The following RPTOR variants were observed in gnomAD, a reference collection of about 807,000 sequenced individuals.
RPTOR encodes regulatory associated protein of MTOR complex 1.
In RPTOR, 21 loss-of-function variants were observed where a neutral mutation model predicts 169.9. The observed-to-expected ratio is 0.12, with a 90% CI of 0.09 to 0.18. The LOEUF (loss-of-function observed/expected upper bound fraction) is 0.18, where lower values mean the gene tolerates loss of function less well. RPTOR is among the 10% of genes least tolerant of loss of function. The pLI, the probability that RPTOR is intolerant of heterozygous loss-of-function variation, is 1.00. For missense variants in RPTOR, 1,133 were observed against 1,855.9 expected (o/e 0.61, Z 7.16); for synonymous variants, 732 against 753.2 (o/e 0.97, Z 0.46).
chr17:80,584,701 C>T (rs552202266), intron 1 of RPTOR, among the ~76,000 whole-genome samples: 3 of 152,328 alleles, frequency 2.0e-5, no homozygotes, highest in Admixed American at 1.3e-4. Flanking sequence ...TTCAGCTTCA[C>T]GGGCCTGTCC....
At chr17:80,866,485 C>T (rs550632500) in intron 13 of RPTOR, among the ~76,000 whole-genome samples, 2 of 152,248 alleles carry the variant, frequency 1.3e-5, no homozygotes, top group East Asian at 3.9e-4. Context: ...AGTGAAACAT[C>T]AAAATCTGTT....
rs1404837944 is a variant in RPTOR, at chr17:80,889,692, A to G, written c.1984-2028A>G. Among the ~76,000 whole-genome samples, 5 of 152,316 alleles carry G rather than the reference A, an allele frequency of 3.3e-5. No homozygotes were observed. The East Asian group carries it at 9.7e-4, about 29-fold the overall frequency. Reference sequence around the variant, plus strand: ...CGTGTGTGTGTTGCTGTCAGAGCCCAGCTCCATTCAGGAAGGGCAGGAAGG... The same window carrying G: ...CGTGTGTGTGTTGCTGTCAGAGCCCGGCTCCATTCAGGAAGGGCAGGAAGG... On this transcript the variant is annotated intron_variant, in intron 17 of 33. Transcript: ENST00000306801.
At chr17:80,911,658 A>T (rs942996653) in intron 21 of RPTOR, among the ~76,000 whole-genome samples, 2 of 152,060 alleles carry the variant, frequency 1.3e-5, no homozygotes, top group Non-Finnish European at 2.9e-5. Context: ...GGTGGCAAGC[A>T]CTTGTGGTCG....
At chr17:80,687,151 G>C (rs1452630982) in intron 3 of RPTOR, among the ~76,000 whole-genome samples, 1 of 152,212 alleles carries the variant, frequency 6.6e-6, no homozygotes, top group Non-Finnish European at 1.5e-5. Flanking sequence ...TACACTGCAG[G>C]CCTCTGGCGC....
At chr17:80,665,922 T>G (rs912697421) in intron 3 of RPTOR, among the ~76,000 whole-genome samples, 1 of 152,176 alleles carries the variant, frequency 6.6e-6, no homozygotes, top group African/African-American at 2.4e-5. Context: ...GAAGGAAGTC[T>G]TGTTTGTCTC....
At position 80,754,471 on chromosome 17, in the gene RPTOR, A is replaced by G. The variant is rs1297258366; in HGVS notation, c.830+286A>G. 2.0e-5 allele frequency among the ~76,000 whole-genome samples: 3 copies of G among 152,224 alleles called. No homozygotes were observed. Among genetic ancestry groups the G allele is most frequent in the Non-Finnish European group, 4.4e-5 (3 of 68,032 alleles). ...CCTTTGTTCACTGCGGAGGCGTCTT[A>G]GTACCAGGATAGGTCATACTGGAAA... On this transcript the variant is annotated intron_variant, in intron 6 of 33. Transcript: ENST00000306801. This position sits in a 1 kb window ranked among gnomAD's most constrained non-coding sequence, Gnocchi z 4.2.
chr17:80,899,346 G>A (rs905142158), intron 20 of RPTOR, among the ~76,000 whole-genome samples: 1 of 152,224 alleles, frequency 6.6e-6, no homozygotes, highest in Admixed American at 6.5e-5. Context: ...GCCTGCAAGA[G>A]TCTTTTAAAA....
rs79263048 is a variant in RPTOR, at chr17:80,870,888, T to G, written c.1510-9527T>G. 5.5e-4 allele frequency among the ~76,000 whole-genome samples: 84 copies of G among 152,370 alleles called. 1 individual carries two copies. In the East Asian group the frequency reaches 0.015, roughly 28 times the overall value. On this transcript the variant is annotated intron_variant, in intron 13 of 33. Coordinates refer to ENST00000306801, the MANE Select transcript of RPTOR (RefSeq NM_020761.3). ...TTTGACACAACAGTCAATGAACTTA[T>G]GTTGATCAGTTATTAACTGCAGTTG...
At chr17:80,734,883 A>G (rs1006970284) in intron 5 of RPTOR, among the ~76,000 whole-genome samples, 1 of 152,176 alleles carries the variant, frequency 6.6e-6, no homozygotes, top group Non-Finnish European at 1.5e-5. Flanking sequence ...TAGTATAACA[A>G]CTACGTTTAC....
chr17:80,869,835 C>A (rs928360012), intron 13 of RPTOR, among the ~76,000 whole-genome samples: 1 of 152,186 alleles, frequency 6.6e-6, no homozygotes, highest in African/African-American at 2.4e-5. Context: ...GGGCAGAAAG[C>A]AAACATGGCA....
intron 1 of RPTOR, among the ~76,000 whole-genome samples, chr17:80,623,479 A>G (rs1384864972): frequency 6.6e-6 from 1 of 152,202 alleles, no homozygotes; most frequent in African/African-American, 2.4e-5. Flanking sequence ...TTACATTCAT[A>G]TAATCAAATC....
chr17:80,734,650 A>G (rs997794114), intron 5 of RPTOR, among the ~76,000 whole-genome samples: 1 of 152,146 alleles, frequency 6.6e-6, no homozygotes, highest in East Asian at 1.9e-4. Context: ...CAATATGCCC[A>G]CCACATCTGC....
intron 17 of RPTOR, among the ~76,000 whole-genome samples, chr17:80,888,883 A>G (rs2068281533): frequency 6.6e-6 from 1 of 152,166 alleles, no homozygotes; most frequent in African/African-American, 2.4e-5. Flanking sequence ...CAGAGCCAGT[A>G]TGGATGGGGC....
chr17:80,654,618 G>C (rs1304802693), intron 3 of RPTOR, among the ~76,000 whole-genome samples: 1 of 152,224 alleles, frequency 6.6e-6, no homozygotes, highest in Non-Finnish European at 1.5e-5. Flanking sequence ...CTCTTCTAAA[G>C]GGTTGCATGT....
At chr17:80,724,569 T>C (rs1424833359) in intron 4 of RPTOR, among the ~76,000 whole-genome samples, 2 of 152,160 alleles carry the variant, frequency 1.3e-5, no homozygotes, top group Non-Finnish European at 2.9e-5. Flanking sequence ...ACAGAGATGC[T>C]TGCGAGTTCT....
intron 21 of RPTOR, among the ~76,000 whole-genome samples, chr17:80,921,507 C>G (rs1336688186): frequency 2.0e-5 from 3 of 152,234 alleles, no homozygotes; most frequent in Non-Finnish European, 4.4e-5. Flanking sequence ...CAGCGCACGC[C>G]CTGCCTTGCG....
chr17:80,571,114 G>A (rs2064900596), intron 1 of RPTOR, among the ~76,000 whole-genome samples: 1 of 152,180 alleles, frequency 6.6e-6, no homozygotes, highest in African/African-American at 2.4e-5. Flanking sequence ...CTGTTTTGGT[G>A]TTACAGATCT....
intron 3 of RPTOR, among the ~76,000 whole-genome samples, chr17:80,691,673 T>G (rs1401612887): frequency 1.3e-5 from 2 of 152,214 alleles, no homozygotes. Flanking sequence ...TTGTACTTCT[T>G]CTACCCTAGG....
intron 21 of RPTOR, among the ~76,000 whole-genome samples, chr17:80,914,733 G>A (rs1245382252): frequency 2.0e-5 from 3 of 152,256 alleles, no homozygotes; most frequent in Non-Finnish European, 4.4e-5. Flanking sequence ...GAGGGAGGCT[G>A]AGGGTGGGGA....
Sources: gnomAD v4.1 joint callset for allele counts (sites outside exome capture counted in the v4.1 genomes callset) on GRCh38, gnomAD v4.1.1 for gene constraint, Gnocchi (gnomAD v3.1) non-coding constraint, MANE v1.5 for transcripts, NCBI Gene and HGNC (gene_info 2026-07-23, HGNC 2026-07-21) for gene names.